PCDHGC4: variants seen among roughly 807,000 people sequenced by gnomAD.
The protein encoded by PCDHGC4 is protocadherin gamma subfamily C, 4, also known as protocadherin gamma-C4.
Under a neutral mutation model 59.7 loss-of-function variants are expected in PCDHGC4, and 15 were observed. The observed-to-expected ratio is 0.25, with a 90% CI of 0.17 to 0.39. PCDHGC4 has a LOEUF of 0.39. PCDHGC4 is among the 10% of genes least tolerant of loss of function. The pLI is 1.00. For missense variants in PCDHGC4, 1,016 were observed against 1,189.5 expected, an observed-to-expected ratio of 0.85 and a Z score of 2.15; for synonymous variants, 434 against 481.4, an observed-to-expected ratio of 0.90 and a Z score of 1.29.
At chr5:141,505,308 G>A in intron 2 of PCDHGC4, 85 bp from the exon 3 acceptor site, 1 of 1,598,660 alleles carries the variant, frequency 6.3e-7, no homozygotes, top group Non-Finnish European at 8.5e-7. Flanking sequence ...TAGGGTACTA[G>A]GTTTGGGAGC....
In PCDHGC4 at chr5:141,490,000, A is replaced by G. The variant is rs762999106; in HGVS notation, c.2442+2385A>G. The G allele has an allele frequency of 6.2e-7, 1 of 1,614,198 alleles. No individual in the cohort carries two copies. Among genetic ancestry groups the G allele is most frequent in the Admixed American group, 1.7e-5 (1 of 60,032 alleles). ...AGTTCTACGTGTGGGAATCCCAGAG[A>G]ATGCACCCATTGGTACTCTGCTGCT... On this transcript the variant is annotated intron_variant, in intron 1 of 3. Coordinates refer to ENST00000306593, the MANE Select transcript of PCDHGC4 (RefSeq NM_018928.3). The surrounding 1 kb of genome is among the most constrained non-coding windows in gnomAD (Gnocchi z 4.5).
rs1449605701 is a variant in PCDHGC4 at position 141,485,191 on chromosome 5, A to C, written c.18A>C (p.Arg6Ser). MLRKV[R>S]SWTEIWRWAT... ...CGGCAGCAATGCTCCGCAAGGTGAG[A>C]AGCTGGACAGAAATCTGGCGGTGGG... is the stretch of plus-strand genomic sequence containing the variant. Residue 6 changes from arginine to serine, a missense_variant, in exon 1 of 4, where the codon AGA becomes AGC. Coordinates refer to ENST00000306593, the MANE Select transcript of PCDHGC4 (RefSeq NM_018928.3). This position sits in a 1 kb window ranked among gnomAD's most constrained non-coding sequence, Gnocchi z 5.7. The C allele has an allele frequency of 6.2e-7, 1 of 1,613,836 alleles. No individual in the cohort carries two copies. The highest frequency in any genetic ancestry group is 1.3e-5 in the African/African-American group (1 of 75,042).
rs1334650353 is a variant in PCDHGC4, at chr5:141,493,099, A to T, written c.2443-1708A>T. Among the ~76,000 whole-genome samples, 1 of 152,192 alleles carries T rather than the reference A, an allele frequency of 6.6e-6. No homozygotes were observed. Among genetic ancestry groups the T allele is most frequent in the East Asian group, 1.9e-4 (1 of 5,198 alleles). On this transcript the variant is annotated intron_variant, in intron 1 of 3. Coordinates refer to ENST00000306593, the MANE Select transcript of PCDHGC4 (RefSeq NM_018928.3). This position sits in a 1 kb window ranked among gnomAD's most constrained non-coding sequence, Gnocchi z 4.3. ...CTCCAGGAGCTTTTATTCAAAATAT[A>T]TCAATGCCTAACTCTGCTCCTAGGA... is the stretch of plus-strand genomic sequence containing the variant.
chr5:141,498,119 T>C (rs780741291), intron 2 of PCDHGC4, among the ~76,000 whole-genome samples: 42 of 152,192 alleles, frequency 2.8e-4, no homozygotes, highest in Non-Finnish European at 4.8e-4. Flanking sequence ...AATAGGGATT[T>C]GATTTAGGGA....
chr5:141,492,007 C>A, intron 1 of PCDHGC4: 1 of 629,072 alleles, frequency 1.6e-6, no homozygotes, highest in Non-Finnish European at 2.6e-6. Flanking sequence ...GCGATTTCCG[C>A]GGGTGTCGGG....
intron 2 of PCDHGC4, among the ~76,000 whole-genome samples, chr5:141,500,948 A>G (rs1055841985): frequency 1.8e-4 from 28 of 151,592 alleles, no homozygotes; most frequent in Non-Finnish European, 4.4e-5. Context: ...GGCTCACTGC[A>G]AGCTCCACCT....
rs200900873 is a variant in PCDHGC4 at position 141,510,902 on chromosome 5, G to A, written c.2591-45G>A. On this transcript the variant is annotated intron_variant, in intron 3 of 3. Transcript: ENST00000306593. ...GGGGATATAAGACAGTGACTGTTGAGGACCCTAAGTTTAGCTCCCACCTGA... is the reference window on the plus strand; with the variant it reads ...GGGGATATAAGACAGTGACTGTTGAAGACCCTAAGTTTAGCTCCCACCTGA... The A allele has an allele frequency of 1.5e-3, 2,449 of 1,613,462 alleles. 7 individuals carry two copies. The highest frequency in any genetic ancestry group is 1.9e-3 in the Non-Finnish European group (2,206 of 1,179,758).
Position 141,485,987 on chromosome 5 carries a change from G to T in PCDHGC4, c.814G>T (p.Gly272Cys). 1 of 1,614,170 alleles carries T rather than the reference G, an allele frequency of 6.2e-7. No homozygotes were observed. Residue 272 changes from glycine to cysteine, a missense_variant, in exon 1 of 4, where the codon GGT becomes TGT. By Grantham distance (159) the Gly-to-Cys change is radical. Transcript: ENST00000306593. The surrounding 1 kb of genome is among the most constrained non-coding windows in gnomAD (Gnocchi z 5.7). ...GCTCAATGCCTCAGACCCGGACCTG[G>T]GTCCCAGTGGTAACGTCACCTTTTA... ...IQLNASDPDLGPSGNVTFYFS... is the reference protein window; with the variant it reads ...IQLNASDPDLCPSGNVTFYFS...
At chr5:141,503,284 G>C (rs899456087) in intron 2 of PCDHGC4, among the ~76,000 whole-genome samples, 2 of 152,044 alleles carry the variant, frequency 1.3e-5, no homozygotes, top group African/African-American at 4.8e-5. Flanking sequence ...TCTGTGTCTG[G>C]TACATAGAAA....
Position 141,491,402 on chromosome 5 carries a change from C to T in PCDHGC4, c.2443-3405C>T. 1 of 1,614,156 alleles carries T rather than the reference C, an allele frequency of 6.2e-7. No individual in the cohort carries two copies. Among genetic ancestry groups the T allele is most frequent in the Non-Finnish European group, 8.5e-7 (1 of 1,180,022 alleles). ...TCAGCGAAGTGCCTTCAGGGAAACG[C>T]AGACGGGGACGGGGGTGGAGGGCAG... On this transcript the variant is annotated intron_variant, in intron 1 of 3. Transcript: ENST00000306593. The surrounding 1 kb of genome is among the most constrained non-coding windows in gnomAD (Gnocchi z 6.9).
intron 3 of PCDHGC4, among the ~76,000 whole-genome samples, chr5:141,510,591 A>G (rs1050708244): frequency 6.6e-6 from 1 of 152,176 alleles, no homozygotes; most frequent in Non-Finnish European, 1.5e-5. Flanking sequence ...TACCTGACAT[A>G]CATTTTCTTA....
intron 1 of PCDHGC4, among the ~76,000 whole-genome samples, chr5:141,488,007 G>A (rs1269050547): frequency 6.6e-6 from 1 of 152,178 alleles, no homozygotes; most frequent in African/African-American, 2.4e-5. Flanking sequence ...ATCAGATTCT[G>A]AAGTACCTTA....
chr5:141,497,829 C>T (rs754594104), intron 2 of PCDHGC4, among the ~76,000 whole-genome samples: 147 of 152,160 alleles, frequency 9.7e-4, no homozygotes, highest in Non-Finnish European at 1.8e-3. Flanking sequence ...TGTGATCGCC[C>T]CCGGCCACAA....
rs149314216 is a variant in PCDHGC4, at chr5:141,487,041, G to A, written c.1868G>A (p.Arg623Gln). 2.1e-3 allele frequency: 3,442 copies of A among 1,614,128 alleles called. 3 individuals carry two copies. Among genetic ancestry groups the A allele is most frequent in the Non-Finnish European group, 2.7e-3 (3,235 of 1,180,026 alleles). The part of the protein sequence containing the change: ...APDPSLFAVS[R>Q]YAGEVRTAVP... ...GATCCCAGCCTGTTTGCAGTCTCTC[G>A]ATATGCTGGGGAGGTGCGGACGGCT... The change falls in exon 1 of 4, where the codon CGA becomes CAA. Residue 623 changes from arginine (R) to glutamine (Q), a missense_variant. Physicochemically the swap from Arg to Gln is conservative, Grantham distance 43. Transcript: ENST00000306593. The surrounding 1 kb of genome is among the most constrained non-coding windows in gnomAD (Gnocchi z 5.0).
At position 141,493,323 on chromosome 5, in the gene PCDHGC4, C is replaced by T. The variant is rs542332335; in HGVS notation, c.2443-1484C>T. Among the ~76,000 whole-genome samples the T allele has an allele frequency of 6.6e-6, 1 of 152,294 alleles. No homozygotes were observed. The highest frequency in any genetic ancestry group is 6.5e-5 in the Admixed American group (1 of 15,300). On this transcript the variant is annotated intron_variant, in intron 1 of 3. Transcript: ENST00000306593. The surrounding 1 kb of genome is among the most constrained non-coding windows in gnomAD (Gnocchi z 4.3). ...AGAGCAAGTAAGAGAGATTCTAACC[C>T]CTGTCTAACTCCAGAATGTGTGCTT...
chr5:141,494,745 G>C, intron 1 of PCDHGC4, 62 bp from the exon 2 acceptor site: 1 of 1,612,802 alleles, frequency 6.2e-7, no homozygotes, highest in Middle Eastern at 1.7e-4. Flanking sequence ...ATCCCTAGGG[G>C]CTCGGGTGAC....
At position 141,491,687 on chromosome 5, in the gene PCDHGC4, G is replaced by T. The variant is rs946829558; in HGVS notation, c.2443-3120G>T. 6.2e-7 allele frequency: 1 copy of T among 1,613,072 alleles called. No individual in the cohort carries two copies. Among genetic ancestry groups the T allele is most frequent in the African/African-American group, 1.3e-5 (1 of 75,046 alleles). On this transcript the variant is annotated intron_variant, in intron 1 of 3. Transcript: ENST00000306593. This position sits in a 1 kb window ranked among gnomAD's most constrained non-coding sequence, Gnocchi z 6.9. ...ATCCGGTCCCGCTCTAATACGCTGC[G>T]GGAGCGGAGCCAGGTGAGGGGCTCG...
intron 2 of PCDHGC4, among the ~76,000 whole-genome samples, chr5:141,497,721 G>A (rs2099778948): frequency 6.6e-6 from 1 of 152,006 alleles, no homozygotes; most frequent in African/African-American, 2.4e-5. Flanking sequence ...TGTATTTTTA[G>A]TAGAGATGGG....
chr5:141,510,223 G>C (rs944276162), intron 3 of PCDHGC4, among the ~76,000 whole-genome samples: 1 of 151,302 alleles, frequency 6.6e-6, no homozygotes, highest in African/African-American at 2.4e-5. Context: ...CAGTGAGCCG[G>C]GATCGCGCCA....
Sources: allele counts gnomAD v4.1 joint callset (sites outside exome capture counted in the v4.1 genomes callset), GRCh38; gene constraint gnomAD v4.1.1; non-coding constraint Gnocchi (gnomAD v3.1); transcripts MANE v1.5; gene names NCBI Gene and HGNC (gene_info 2026-07-23, HGNC 2026-07-21).